Variants in MAPK4 observed in about 807,000 individuals in gnomAD.
MAPK4 encodes the protein Erk3-related.
Under a neutral mutation model 47.7 loss-of-function variants are expected in MAPK4, and 22 were observed. The observed-to-expected ratio is 0.46, with a 90% CI of 0.33 to 0.66. MAPK4 has a LOEUF of 0.66. Ranked by LOEUF, MAPK4 falls within the 30% of genes least tolerant of loss-of-function variation. MAPK4 has a pLI of 0.02. For synonymous variants in MAPK4, 390 were observed against 365.7 expected, an observed-to-expected ratio of 1.07 and a Z score of -0.76; for missense variants, 736 against 831.7, an observed-to-expected ratio of 0.88 and a Z score of 1.42.
chr18:50,645,233 G>A (rs2042977807), intron 1 of MAPK4, among the ~76,000 whole-genome samples: 1 of 152,130 alleles, frequency 6.6e-6, no homozygotes. Flanking sequence ...GAATGCCAAT[G>A]CGCCATCCAT....
intron 3 of MAPK4, among the ~76,000 whole-genome samples, chr18:50,715,435 G>A (rs955690820): frequency 2.0e-5 from 3 of 152,218 alleles, no homozygotes; most frequent in African/African-American, 7.2e-5. Context: ...GAGCACAGAA[G>A]TTTTTGCAAT....
intron 2 of MAPK4, among the ~76,000 whole-genome samples, chr18:50,702,161 C>CA (rs36001271): frequency 0.72 from 69,215 of 95,854 alleles, 26,334 homozygotes; most frequent in Non-Finnish European, 0.83. Flanking sequence ...GATTCTGTCT[C>CA]AAAAAAAAAA....
chr18:50,704,318 G>T (rs1048097264), intron 2 of MAPK4, among the ~76,000 whole-genome samples: 15 of 152,152 alleles, frequency 9.9e-5, no homozygotes, highest in African/African-American at 3.6e-4. Flanking sequence ...GAGACCAACT[G>T]GCCAACATGG....
intron 5 of MAPK4, among the ~76,000 whole-genome samples, chr18:50,727,403 G>A (rs1247452544): frequency 6.6e-6 from 1 of 152,212 alleles, no homozygotes; most frequent in Non-Finnish European, 1.5e-5. Flanking sequence ...GATTAAGGAG[G>A]CACTGAGGGA....
intron 1 of MAPK4, among the ~76,000 whole-genome samples, chr18:50,573,738 G>A (rs1888166189): frequency 6.6e-6 from 1 of 152,154 alleles, no homozygotes; most frequent in Non-Finnish European, 1.5e-5. Context: ...TAGAAATTCT[G>A]GTTTTTGTTA....
intron 1 of MAPK4, among the ~76,000 whole-genome samples, chr18:50,602,092 T>C (rs2042546137): frequency 6.6e-6 from 1 of 152,232 alleles, no homozygotes; most frequent in Non-Finnish European, 1.5e-5. Flanking sequence ...TCTTAAATTA[T>C]ATTTCTCAGA....
At chr18:50,568,665 G>A (rs568250296) in intron 1 of MAPK4, among the ~76,000 whole-genome samples, 17 of 152,314 alleles carry the variant, frequency 1.1e-4, no homozygotes, top group African/African-American at 4.1e-4. Flanking sequence ...GGGAGACTTT[G>A]TGGTGCAAGT....
At chr18:50,586,370 T>A (rs1306528240) in intron 1 of MAPK4, among the ~76,000 whole-genome samples, 3 of 151,694 alleles carry the variant, frequency 2.0e-5, no homozygotes, top group Non-Finnish European at 4.4e-5. Context: ...GGGGGTAGGG[T>A]CACCAAAAAA....
chr18:50,635,857 T>A (rs1256728829), intron 1 of MAPK4, among the ~76,000 whole-genome samples: 1 of 152,086 alleles, frequency 6.6e-6, no homozygotes, highest in Admixed American at 6.5e-5. Context: ...GCCTCCATGG[T>A]TCACAAAGGC....
intron 1 of MAPK4, among the ~76,000 whole-genome samples, chr18:50,660,908 C>T (rs2043164496): frequency 6.6e-6 from 1 of 152,138 alleles, no homozygotes; most frequent in South Asian, 2.1e-4. Flanking sequence ...TTGGGAAGAC[C>T]ACTGAAAAAG....
At chr18:50,723,596 C>G (rs1598959349) in intron 4 of MAPK4, among the ~76,000 whole-genome samples, 2 of 152,194 alleles carry the variant, frequency 1.3e-5, no homozygotes, top group Non-Finnish European at 2.9e-5. Flanking sequence ...GGTGTGGTGG[C>G]TCAAGCCTGT....
intron 1 of MAPK4, among the ~76,000 whole-genome samples, chr18:50,628,867 ATTTG>A (rs1282364929): frequency 1.3e-5 from 2 of 152,236 alleles, no homozygotes; most frequent in Non-Finnish European, 2.9e-5. Flanking sequence ...TGTTCAACCC[ATTTG>A]TTTGATTAAT....
At chr18:50,726,284 T>C (rs1045299137) in intron 5 of MAPK4, 109 bp downstream of exon 5, 14 of 1,008,368 alleles carry the variant, frequency 1.4e-5, no homozygotes, top group Non-Finnish European at 1.8e-5. Context: ...GCATAGCTCA[T>C]TGGACGACTT....
intron 5 of MAPK4, 75 bp downstream of exon 5, chr18:50,726,250 A>T: frequency 7.1e-7 from 1 of 1,416,462 alleles, no homozygotes; most frequent in East Asian, 2.4e-5. Flanking sequence ...ATCCTCCGTG[A>T]CCTTCCCCTC....
intron 1 of MAPK4, among the ~76,000 whole-genome samples, chr18:50,656,761 T>G (rs920477121): frequency 6.6e-6 from 1 of 152,178 alleles, no homozygotes; most frequent in African/African-American, 2.4e-5. Flanking sequence ...GTTTCCATAA[T>G]TATTGTTGTA....
intron 1 of MAPK4, among the ~76,000 whole-genome samples, chr18:50,659,490 G>T (rs1452972231): frequency 6.6e-6 from 1 of 152,198 alleles, no homozygotes. Context: ...TTCCAAAGCT[G>T]ATTTGTAAAC....
chr18:50,684,344 A>C (rs1908749220), intron 2 of MAPK4, among the ~76,000 whole-genome samples: 1 of 152,116 alleles, frequency 6.6e-6, no homozygotes, highest in Non-Finnish European at 1.5e-5. Context: ...CAGGAGTTCG[A>C]GACCAGCCGC....
chr18:50,576,477 C>T (rs1267000715), intron 1 of MAPK4, among the ~76,000 whole-genome samples: 1 of 152,042 alleles, frequency 6.6e-6, no homozygotes, highest in African/African-American at 2.4e-5. Context: ...GACACTGGGG[C>T]GTGCTTAAGG....
intron 1 of MAPK4, among the ~76,000 whole-genome samples, chr18:50,662,399 T>G (rs1270018676): frequency 6.6e-6 from 1 of 152,246 alleles, no homozygotes; most frequent in Admixed American, 6.5e-5. Flanking sequence ...CCCATTGCTT[T>G]GAAGAGCGAG....
Sources: allele counts gnomAD v4.1 joint callset (sites outside exome capture counted in the v4.1 genomes callset), GRCh38; gene constraint gnomAD v4.1.1; transcripts MANE v1.5; gene names NCBI Gene and HGNC (gene_info 2026-07-23, HGNC 2026-07-21).